ARHGEF38: variants seen among roughly 807,000 people sequenced by gnomAD.
ARHGEF38 encodes the protein Rho guanine nucleotide exchange factor 38.
In ARHGEF38, 79 loss-of-function variants were observed where a neutral mutation model predicts 79.9. The observed-to-expected ratio is 0.99, with a 90% CI of 0.82 to 1.19. The LOEUF is 1.19. Among genes scored for constraint, ARHGEF38 ranks in the 50% most tolerant of loss-of-function variants. The pLI is 0.00. For synonymous variants in ARHGEF38, 366 were observed against 328.3 expected (o/e 1.11, Z -1.24); for missense variants, 962 against 907.2 (o/e 1.06, Z -0.78).
intron 13 of ARHGEF38, among the ~76,000 whole-genome samples, chr4:105,673,502 A>G (rs2110586112): frequency 6.6e-6 from 1 of 152,290 alleles, no homozygotes; most frequent in East Asian, 1.9e-4. Flanking sequence ...TACATTTTCC[A>G]GCTACCTATG....
chr4:105,567,100 T>A lies in ARHGEF38; in HGVS notation c.196+14139T>A, dbSNP rs187343241. 4.0e-3 allele frequency among the ~76,000 whole-genome samples: 603 copies of A among 152,324 alleles called. 3 individuals are homozygous for A. The highest frequency in any genetic ancestry group is 0.011 in the Admixed American group (175 of 15,302). ...TGTTTTAATTTTTAGCACCCACAGA[T>A]AAGTGAGAACATGCAAAGTTTGTCT... is the stretch of plus-strand genomic sequence containing the variant. On this transcript the variant is annotated intron_variant, in intron 1 of 13. Coordinates refer to ENST00000420470, the MANE Select transcript of ARHGEF38 (RefSeq NM_001242729.2).
At chr4:105,566,600 C>T (rs1273021617) in intron 1 of ARHGEF38, among the ~76,000 whole-genome samples, 2 of 152,066 alleles carry the variant, frequency 1.3e-5, no homozygotes, top group Non-Finnish European at 2.9e-5. Context: ...TTGAAATGTA[C>T]AATTAAATTA....
chr4:105,612,102 A>G (rs1578310260), intron 2 of ARHGEF38, among the ~76,000 whole-genome samples: 1 of 152,104 alleles, frequency 6.6e-6, no homozygotes, highest in East Asian at 1.9e-4. Flanking sequence ...ATTGGTATCC[A>G]ATATGGAGAA....
Position 105,552,759 on chromosome 4 carries a change from G to C in ARHGEF38, c.-7G>C. On this transcript the variant is annotated 5_prime_UTR_variant, in exon 1 of 14. Coordinates refer to ENST00000420470, the MANE Select transcript of ARHGEF38 (RefSeq NM_001242729.2). Reference sequence around the variant, plus strand: ...CTGCAAGCCTCCAAAGCTTGTCTTTGCCTAATATGGAGCCCAAAGAAGCCA... The same window carrying C: ...CTGCAAGCCTCCAAAGCTTGTCTTTCCCTAATATGGAGCCCAAAGAAGCCA... 1 of 1,603,770 alleles carries C rather than the reference G, an allele frequency of 6.2e-7. No individual in the cohort carries two copies.
At chr4:105,626,672 C>T (rs1473987560) in intron 3 of ARHGEF38, among the ~76,000 whole-genome samples, 1 of 152,064 alleles carries the variant, frequency 6.6e-6, no homozygotes, top group Admixed American at 6.6e-5. Flanking sequence ...TCACCAACTC[C>T]TCCCCGAAAT....
chr4:105,562,030 G>C (rs567486872), intron 1 of ARHGEF38, among the ~76,000 whole-genome samples: 1 of 152,232 alleles, frequency 6.6e-6, no homozygotes, highest in South Asian at 2.1e-4. Context: ...TGTCTCTGAT[G>C]ATGAGAATAT....
intron 3 of ARHGEF38, among the ~76,000 whole-genome samples, chr4:105,620,778 C>A (rs914877417): frequency 4.6e-5 from 7 of 152,126 alleles, no homozygotes; most frequent in Middle Eastern, 3.4e-3. Context: ...AATTAGTCTC[C>A]AAAGATGGCC....
intron 2 of ARHGEF38, among the ~76,000 whole-genome samples, chr4:105,591,488 C>A (rs565813707): frequency 1.3e-5 from 2 of 152,314 alleles, no homozygotes; most frequent in South Asian, 4.1e-4. Context: ...CTTGGCCTCC[C>A]AAAGTGCTGG....
intron 3 of ARHGEF38, among the ~76,000 whole-genome samples, chr4:105,621,487 A>T (rs1728732488): frequency 6.6e-6 from 1 of 151,982 alleles, no homozygotes; most frequent in Admixed American, 6.6e-5. Flanking sequence ...CCTGAGGGTG[A>T]CTCTCTCCTT....
Position 105,679,797 on chromosome 4 carries a change from C to A in ARHGEF38, c.*1860C>A. 9.2e-7 allele frequency: 1 copy of A among 1,086,418 alleles called. No homozygotes were observed. The allele number at this position is 1,086,418 out of a possible 1,614,324, so 67.3% of individuals were successfully genotyped here. Reference sequence around the variant, plus strand: ...CAAACCCCTGTCTGTCCAGCTTTACCCACGCATCCAGAGAGATGGATATAG... The same window carrying A: ...CAAACCCCTGTCTGTCCAGCTTTACACACGCATCCAGAGAGATGGATATAG... On this transcript the variant is annotated 3_prime_UTR_variant, in exon 14 of 14. Transcript: ENST00000420470.
intron 1 of ARHGEF38, among the ~76,000 whole-genome samples, chr4:105,567,908 T>A (rs1289057171): frequency 6.6e-6 from 1 of 151,042 alleles, no homozygotes; most frequent in Non-Finnish European, 1.5e-5. Flanking sequence ...ATTAGGTATA[T>A]TTCCCAGTGC....
chr4:105,634,753 A>C lies in ARHGEF38; in HGVS notation c.657-1650A>C, dbSNP rs1236818638. ...TTTGATGGATGGAAGACACATTTCT[A>C]GCTTCATGTCTAGTTGTTATAAATG... is the stretch of plus-strand genomic sequence containing the variant. On this transcript the variant is annotated intron_variant, in intron 4 of 13. Coordinates refer to ENST00000420470, the MANE Select transcript of ARHGEF38 (RefSeq NM_001242729.2). Among the ~76,000 whole-genome samples the C allele has an allele frequency of 2.0e-5, 3 of 152,106 alleles. No individual in the cohort carries two copies. The East Asian group carries it at 5.8e-4, about 29-fold the overall frequency.
intron 2 of ARHGEF38, among the ~76,000 whole-genome samples, chr4:105,594,443 T>C (rs1727485746): frequency 1.3e-5 from 2 of 152,210 alleles, no homozygotes; most frequent in Admixed American, 6.5e-5. Flanking sequence ...CAAGCTTAGC[T>C]AAACCTGGGG....
intron 13 of ARHGEF38, among the ~76,000 whole-genome samples, chr4:105,677,050 G>A (rs1262927202): frequency 1.3e-5 from 2 of 151,440 alleles, no homozygotes; most frequent in African/African-American, 4.9e-5. Context: ...TGCAACCACC[G>A]CCTCCCGGGT....
chr4:105,600,531 C>T (rs1468590447), intron 2 of ARHGEF38, among the ~76,000 whole-genome samples: 1 of 152,204 alleles, frequency 6.6e-6, no homozygotes, highest in Non-Finnish European at 1.5e-5. Flanking sequence ...TGGTCCTCTT[C>T]TCTCTTTTGT....
At position 105,617,054 on chromosome 4, in the gene ARHGEF38, A is replaced by G. The variant is rs557918450; in HGVS notation, c.508+3547A>G. 2.9e-3 allele frequency among the ~76,000 whole-genome samples: 447 copies of G among 152,376 alleles called. 4 individuals are homozygous for G. The highest frequency in any genetic ancestry group is 0.01 in the African/African-American group (429 of 41,594). ...GCAAAAGAGTACTGCAAACAGTTAA[A>G]TGATGACAGTTTTATATCAATGTGA... On this transcript the variant is annotated intron_variant, in intron 3 of 13. Coordinates refer to ENST00000420470, the MANE Select transcript of ARHGEF38 (RefSeq NM_001242729.2).
At chr4:105,588,423 T>C (rs1421049103) in intron 1 of ARHGEF38, among the ~76,000 whole-genome samples, 1 of 152,238 alleles carries the variant, frequency 6.6e-6, no homozygotes, top group Admixed American at 6.5e-5. Context: ...TGCCCTGATG[T>C]TTATCGCCAC....
chr4:105,665,733 A>G (rs1269182401), intron 10 of ARHGEF38, among the ~76,000 whole-genome samples: 1 of 152,154 alleles, frequency 6.6e-6, no homozygotes, highest in Admixed American at 6.5e-5. Context: ...ACTATGCCAG[A>G]CTTACCCAGT....
intron 1 of ARHGEF38, among the ~76,000 whole-genome samples, chr4:105,556,494 A>T (rs1183208376): frequency 1.3e-5 from 2 of 152,128 alleles, no homozygotes; most frequent in Non-Finnish European, 2.9e-5. Context: ...TGTCTCTAAG[A>T]AATGGTAAGG....
Sources: allele counts gnomAD v4.1 joint callset (sites outside exome capture counted in the v4.1 genomes callset), GRCh38; gene constraint gnomAD v4.1.1; transcripts MANE v1.5; gene names NCBI Gene and HGNC (gene_info 2026-07-23, HGNC 2026-07-21).